The following KCNMA1 variants were observed in gnomAD, a reference collection of about 807,000 sequenced individuals.
KCNMA1 encodes potassium calcium-activated channel subfamily M alpha 1, also known as Calcium-activated potassium channel subunit alpha-1.
In KCNMA1, 29 loss-of-function variants were observed where a neutral mutation model predicts 140.0. The observed-to-expected ratio is 0.21, with a 90% CI of 0.15 to 0.28. The LOEUF is 0.28. Ranked by LOEUF, KCNMA1 falls within the 10% of genes least tolerant of loss-of-function variation. KCNMA1 has a pLI of 1.00. For synonymous variants in KCNMA1, 612 were observed against 611.9 expected (o/e 1.00, Z 0.00); for missense variants, 880 against 1,602.2 (o/e 0.55, Z 7.70).
rs534693575 is a variant in KCNMA1 at position 77,243,824 on chromosome 10, A to C, written c.602+7371T>G. On this transcript the variant is annotated intron_variant, in intron 3 of 27. Transcript: ENST00000286628. ...TACCCATCCCCAACTCCATGCTGAA[A>C]CAGTACAAAAAAGAGAGGGAGACAG... Among the ~76,000 whole-genome samples the C allele has an allele frequency of 2.0e-5, 3 of 152,304 alleles. No individual in the cohort carries two copies. In the South Asian group the frequency reaches 6.2e-4, roughly 32 times the overall value.
intron 17 of KCNMA1, chr10:77,012,629 C>T: frequency 3.2e-6 from 4 of 1,233,854 alleles, no homozygotes; most frequent in Admixed American, 4.0e-5. Context: ...AGTTTCACAG[C>T]TTATTTTACT....
chr10:77,566,468 T>C (rs952229454), intron 1 of KCNMA1, among the ~76,000 whole-genome samples: 13 of 152,222 alleles, frequency 8.5e-5, no homozygotes, highest in African/African-American at 3.1e-4. Flanking sequence ...AGGCCAGTGA[T>C]GTCATCAGCA....
intron 3 of KCNMA1, among the ~76,000 whole-genome samples, chr10:77,226,216 G>C: frequency 6.6e-6 from 1 of 152,136 alleles, no homozygotes; most frequent in East Asian, 1.9e-4. Context: ...ACATTGCTGG[G>C]AGGGTTCTTG....
chr10:76,978,783 C>T (rs947869106), intron 19 of KCNMA1, among the ~76,000 whole-genome samples: 4 of 152,176 alleles, frequency 2.6e-5, no homozygotes, highest in African/African-American at 9.7e-5. Context: ...GAAGGGCTCA[C>T]ACCCATGGCT....
At chr10:77,117,500 G>C (rs2097503423) in intron 6 of KCNMA1, among the ~76,000 whole-genome samples, 1 of 113,218 alleles carries the variant, frequency 8.8e-6, no homozygotes, top group Non-Finnish European at 1.6e-5. Context: ...AGTGAGCTGA[G>C]ATCACGCCCA....
intron 23 of KCNMA1, among the ~76,000 whole-genome samples, chr10:76,923,428 CAAA>C (rs926235292): frequency 3.4e-5 from 3 of 89,188 alleles, no homozygotes; most frequent in Non-Finnish European, 4.3e-5. Flanking sequence ...GACTCCGTCT[CAAA>C]AAAAAAAAAA....
chr10:76,887,574 C>A, intron 27 of KCNMA1, 59 bp from the exon 28 acceptor site: 2 of 1,597,740 alleles, frequency 1.3e-6, no homozygotes, highest in Admixed American at 1.7e-5. Context: ...GAATTCAACT[C>A]TCTCTGAACC....
intron 13 of KCNMA1, chr10:77,077,711 AAAG>A (rs1189973203): frequency 6.6e-6 from 1 of 152,246 alleles, no homozygotes; most frequent in Non-Finnish European, 1.5e-5. Flanking sequence ...ATCACAAATG[AAAG>A]AAGGAGAGCT....
intron 3 of KCNMA1, among the ~76,000 whole-genome samples, chr10:77,232,687 C>G (rs959913029): frequency 6.6e-6 from 1 of 152,008 alleles, no homozygotes; most frequent in Non-Finnish European, 1.5e-5. Context: ...TCTACTTTTT[C>G]TTTTGTTGCT....
chr10:77,240,889 G>A (rs1405851125), intron 3 of KCNMA1, among the ~76,000 whole-genome samples: 3 of 152,174 alleles, frequency 2.0e-5, no homozygotes, highest in East Asian at 1.9e-4. Flanking sequence ...CACTCTCAGC[G>A]AACAGATCTC....
At chr10:77,310,865 A>C (rs1219377653) in intron 2 of KCNMA1, among the ~76,000 whole-genome samples, 1 of 152,152 alleles carries the variant, frequency 6.6e-6, no homozygotes, top group Non-Finnish European at 1.5e-5. Flanking sequence ...TGAACAGAAA[A>C]GTCTATTTAT....
At chr10:77,000,237 G>C (rs1565457321) in intron 19 of KCNMA1, among the ~76,000 whole-genome samples, 1 of 152,216 alleles carries the variant, frequency 6.6e-6, no homozygotes, top group Non-Finnish European at 1.5e-5. Context: ...AAGGGAGGAA[G>C]TGCAGAAACG....
At chr10:77,038,935 G>A (rs570523076) in intron 15 of KCNMA1, among the ~76,000 whole-genome samples, 3 of 152,262 alleles carry the variant, frequency 2.0e-5, no homozygotes, top group African/African-American at 4.8e-5. Flanking sequence ...TGGCCATGGC[G>A]GGTGGCTTTG....
chr10:76,899,530 C>T (rs1332988270), intron 25 of KCNMA1, among the ~76,000 whole-genome samples: 1 of 152,128 alleles, frequency 6.6e-6, no homozygotes, highest in African/African-American at 2.4e-5. Flanking sequence ...TGGGACCCAG[C>T]CATGTCCATT....
At chr10:77,275,590 T>C (rs563682900) in intron 2 of KCNMA1, among the ~76,000 whole-genome samples, 1 of 152,200 alleles carries the variant, frequency 6.6e-6, no homozygotes, top group Non-Finnish European at 1.5e-5. Context: ...CTGCCTTCCA[T>C]TGCCATAGTC....
At chr10:77,270,140 C>T (rs770400315) in intron 2 of KCNMA1, among the ~76,000 whole-genome samples, 1 of 152,164 alleles carries the variant, frequency 6.6e-6, no homozygotes, top group Non-Finnish European at 1.5e-5. Flanking sequence ...CTGCTTCCTG[C>T]CAGTGGCAAT....
intron 9 of KCNMA1, among the ~76,000 whole-genome samples, chr10:77,094,195 C>T (rs751325847): frequency 1.3e-5 from 2 of 152,076 alleles, no homozygotes; most frequent in African/African-American, 2.4e-5. Context: ...CTTCAACAAC[C>T]CTGTGTTCTC....
chr10:77,281,663 G>A (rs529221433), intron 2 of KCNMA1, among the ~76,000 whole-genome samples: 2 of 152,224 alleles, frequency 1.3e-5, no homozygotes, highest in East Asian at 3.9e-4. Context: ...GCCTTATGAT[G>A]GGATGCCCTT....
At chr10:77,452,203 C>A (rs1273286384) in intron 1 of KCNMA1, among the ~76,000 whole-genome samples, 1 of 152,172 alleles carries the variant, frequency 6.6e-6, no homozygotes, top group Non-Finnish European at 1.5e-5. Context: ...CAGGGCAATC[C>A]AGACAGTAAG....
Sources: gnomAD v4.1 joint callset for allele counts (sites outside exome capture counted in the v4.1 genomes callset) on GRCh38, gnomAD v4.1.1 for gene constraint, MANE v1.5 for transcripts, NCBI Gene and HGNC (gene_info 2026-07-23, HGNC 2026-07-21) for gene names.